TNPO1: variants seen among roughly 807,000 people sequenced by gnomAD.
The protein encoded by TNPO1 is transportin 1.
In TNPO1, 8 loss-of-function variants were observed where a neutral mutation model predicts 119.5. The observed-to-expected ratio is 0.07, with a 90% CI of 0.04 to 0.12. The LOEUF is 0.12. Ranked by LOEUF, TNPO1 falls within the 10% of genes least tolerant of loss-of-function variation. The pLI is 1.00. For missense variants in TNPO1, 576 were observed against 1,089.8 expected, an observed-to-expected ratio of 0.53 and a Z score of 6.64; for synonymous variants, 362 against 363.0, an observed-to-expected ratio of 1.00 and a Z score of 0.03.
chr5:72,888,386 C>A (rs1323116832), intron 13 of TNPO1, 83 bp downstream of exon 13: 15 of 1,217,560 alleles, frequency 1.2e-5, no homozygotes, highest in Non-Finnish European at 1.6e-5. Context: ...TGGTGTTAAA[C>A]CTATAATGAA....
At chr5:72,876,378 C>T (rs557874497) in intron 8 of TNPO1, among the ~76,000 whole-genome samples, 2 of 152,278 alleles carry the variant, frequency 1.3e-5, no homozygotes, top group Admixed American at 1.3e-4. Flanking sequence ...CCCTCAGGTA[C>T]GTTGTGAAAA....
intron 18 of TNPO1, among the ~76,000 whole-genome samples, chr5:72,896,123 A>G (rs574858591): frequency 6.6e-6 from 1 of 152,132 alleles, no homozygotes; most frequent in South Asian, 2.1e-4. Flanking sequence ...TTTTTAGTCT[A>G]ATTACAAGAG....
intron 6 of TNPO1, among the ~76,000 whole-genome samples, 195 bp downstream of exon 6, chr5:72,865,924 T>G (rs979515650): frequency 3.3e-5 from 5 of 152,202 alleles, no homozygotes; most frequent in Non-Finnish European, 7.3e-5. Context: ...GTGAGGAAAT[T>G]TTTGTTAAAC....
In TNPO1 at chr5:72,883,144, T is replaced by C. The variant is rs149121024; in HGVS notation, c.1062T>C (p.Ala354=). The part of the protein sequence containing the change: ...RPRFHRSRTV[A]QQHDEDGIEE... The stretch of plus-strand genomic sequence containing the variant: ...GTTTTCACCGATCGAGGACGGTGGC[T>C]CAGCAGCATGATGAAGATGGAATTG... The change falls in exon 11 of 25, where the codon GCT becomes GCC. Residue 354 remains alanine (A), a synonymous_variant. Transcript: ENST00000337273. The C allele has an allele frequency of 3.1e-6, 5 of 1,613,766 alleles. No homozygotes were observed. The highest frequency in any genetic ancestry group is 3.4e-6 in the Non-Finnish European group (4 of 1,179,824).
At chr5:72,843,467 A>C (rs774618003) in intron 1 of TNPO1, among the ~76,000 whole-genome samples, 3 of 151,718 alleles carry the variant, frequency 2.0e-5, no homozygotes, top group Non-Finnish European at 4.4e-5. Context: ...GCTAGCACAC[A>C]CCTGTAATCC....
At chr5:72,824,442 A>G (rs972619892) in intron 1 of TNPO1, among the ~76,000 whole-genome samples, 2 of 152,186 alleles carry the variant, frequency 1.3e-5, no homozygotes, top group African/African-American at 4.8e-5. Flanking sequence ...TCCCACAGAA[A>G]CAGCTCCTCT....
intron 12 of TNPO1, among the ~76,000 whole-genome samples, chr5:72,887,811 ACT>A (rs948103675): frequency 6.6e-6 from 1 of 152,118 alleles, no homozygotes; most frequent in African/African-American, 2.4e-5. Context: ...ATAAGGCAAG[ACT>A]CTCTTCATTC....
intron 9 of TNPO1, among the ~76,000 whole-genome samples, chr5:72,878,429 C>T (rs1390653822): frequency 1.3e-5 from 2 of 148,576 alleles, no homozygotes; most frequent in Non-Finnish European, 3.0e-5. Context: ...TTTAATTTCT[C>T]AAATCTTAGC....
At chr5:72,820,148 A>G (rs143212389) in intron 1 of TNPO1, among the ~76,000 whole-genome samples, 1 of 152,168 alleles carries the variant, frequency 6.6e-6, no homozygotes, top group East Asian at 1.9e-4. Flanking sequence ...ATGCTACTTA[A>G]TTATTTTGTC....
chr5:72,886,888 C>CAAAAAA (rs5868651), intron 11 of TNPO1, among the ~76,000 whole-genome samples, 182 bp from the exon 12 acceptor site: 2 of 70,366 alleles, frequency 2.8e-5, no homozygotes, highest in Admixed American at 1.9e-4. Flanking sequence ...GACTCCATCT[C>CAAAAAA]AAAAAAAAAA....
chr5:72,889,854 C>T lies in TNPO1; in HGVS notation c.1598C>T (p.Thr533Ile). The change falls in exon 14 of 25, where the codon ACC becomes ATC. Residue 533 changes from threonine to isoleucine, a missense_variant. By Grantham distance (89) the Thr-to-Ile change is moderately conservative. Transcript: ENST00000337273. Reference protein sequence around the residue: ...LVPYLAYILDTLVFAFSKYQH... With the variant: ...LVPYLAYILDILVFAFSKYQH... ...CCTTACCTTGCTTATATACTTGATA[C>T]CCTGGTCTTTGCATTTAGTAAATAC... is the stretch of plus-strand genomic sequence containing the variant. 1 of 1,613,384 alleles carries T rather than the reference C, an allele frequency of 6.2e-7. No homozygotes were observed. Among genetic ancestry groups the T allele is most frequent in the Non-Finnish European group, 8.5e-7 (1 of 1,179,760 alleles).
intron 9 of TNPO1, among the ~76,000 whole-genome samples, chr5:72,882,058 C>G (rs1748282188): frequency 6.6e-6 from 1 of 152,178 alleles, no homozygotes; most frequent in African/African-American, 2.4e-5. Flanking sequence ...TAAAGATCAT[C>G]AGTGATTAAC....
Position 72,911,002 on chromosome 5 carries a change from C to T in TNPO1, c.*2329C>T, listed in dbSNP as rs1020144714. 4.0e-5 allele frequency: 6 copies of T among 151,880 alleles called. No homozygotes were observed. In the East Asian group the frequency reaches 1.2e-3, roughly 29 times the overall value. The allele number at this position is 151,880 out of a possible 1,614,324, so 9.4% of individuals were successfully genotyped here. On this transcript the variant is annotated 3_prime_UTR_variant, in exon 25 of 25. Coordinates refer to ENST00000337273, the MANE Select transcript of TNPO1 (RefSeq NM_002270.4). ...TCACTGGGAGCTCAAAATTTGCCTCCCTGTTAGTCTTTAATAACTGAGTAG... is the reference window on the plus strand; with the variant it reads ...TCACTGGGAGCTCAAAATTTGCCTCTCTGTTAGTCTTTAATAACTGAGTAG...
At chr5:72,821,263 G>A (rs1743945403) in intron 1 of TNPO1, among the ~76,000 whole-genome samples, 1 of 152,070 alleles carries the variant, frequency 6.6e-6, no homozygotes, top group South Asian at 2.1e-4. Context: ...TATTAGTGGA[G>A]CCCCTTTATC....
chr5:72,905,156 A>C, intron 23 of TNPO1, 147 bp from the exon 24 acceptor site: 3 of 584,424 alleles, frequency 5.1e-6, no homozygotes, highest in Non-Finnish European at 9.0e-6. Context: ...TTAGCAGGGA[A>C]TGGTGTAGAA....
chr5:72,852,191 T>A (rs1003534269), intron 3 of TNPO1, among the ~76,000 whole-genome samples: 1 of 152,230 alleles, frequency 6.6e-6, no homozygotes, highest in Non-Finnish European at 1.5e-5. Flanking sequence ...TTTTCATGAC[T>A]CTTAATTTTA....
chr5:72,883,386 T>A (rs893328602), intron 11 of TNPO1, among the ~76,000 whole-genome samples, 154 bp downstream of exon 11: 2 of 152,184 alleles, frequency 1.3e-5, no homozygotes, highest in Non-Finnish European at 2.9e-5. Context: ...CACAATCAGT[T>A]GTAGACTATG....
intron 15 of TNPO1, 67 bp downstream of exon 15, chr5:72,891,963 A>AT: frequency 8.3e-7 from 1 of 1,201,676 alleles, no homozygotes; most frequent in Non-Finnish European, 1.2e-6. Context: ...ATGGGTATAT[A>AT]TGATAAGAAA....
rs919345856 is a variant in TNPO1 at position 72,909,193 on chromosome 5, G to A, written c.*520G>A. On this transcript the variant is annotated 3_prime_UTR_variant, in exon 25 of 25. Coordinates refer to ENST00000337273, the MANE Select transcript of TNPO1 (RefSeq NM_002270.4). Reference sequence around the variant, plus strand: ...ATGATGGGGCCTTGTTTTGCATGTTGATGAAGAACTACACAAAGAAAACTA... The same window carrying A: ...ATGATGGGGCCTTGTTTTGCATGTTAATGAAGAACTACACAAAGAAAACTA... 9.2e-5 allele frequency: 14 copies of A among 152,416 alleles called. No homozygotes were observed. Among genetic ancestry groups the A allele is most frequent in the African/African-American group, 2.7e-4 (11 of 40,740 alleles). The allele number at this position is 152,416 out of a possible 1,614,324, so 9.4% of individuals were successfully genotyped here.
Sources: allele counts gnomAD v4.1 joint callset (sites outside exome capture counted in the v4.1 genomes callset), GRCh38; gene constraint gnomAD v4.1.1; transcripts MANE v1.5; gene names NCBI Gene and HGNC (gene_info 2026-07-23, HGNC 2026-07-21).